MYO7B: variants seen among roughly 807,000 people sequenced by gnomAD.
The protein encoded by MYO7B is myosin VIIB, also known as unconventional myosin-VIIb.
Under a neutral mutation model 259.7 loss-of-function variants are expected in MYO7B, and 212 were observed. The ratio of observed to expected loss-of-function variants is 0.82; its 90% confidence interval spans 0.73 to 0.91. MYO7B has a LOEUF of 0.91. Among genes scored for constraint, MYO7B ranks in the 40% least tolerant of loss-of-function variants. The probability of loss-of-function intolerance (pLI) is 0.00; values close to 1 mark genes in which losing one functional copy is unlikely to be tolerated. For synonymous variants in MYO7B, 1,197 were observed against 1,166.4 expected (o/e 1.03, Z -0.54); for missense variants, 2,732 against 2,813.5 (o/e 0.97, Z 0.66).
intron 1 of MYO7B, among the ~76,000 whole-genome samples, chr2:127,547,116 C>A (rs1420405020): frequency 1.3e-5 from 2 of 152,124 alleles, no homozygotes; most frequent in African/African-American, 2.4e-5. Flanking sequence ...ATCCATTTAC[C>A]TATCCACCCG....
rs1573634006 is a variant in MYO7B, at chr2:127,569,776, AC to A, written c.471-10del. The stretch of plus-strand genomic sequence containing the variant: ...GTTTTGTGGCATCATGTCCCTGCAC[AC>A]CCTTTTTGCAGCGGCGAGTCTGGGG... On this transcript the variant is annotated splice_polypyrimidine_tract_variant and intron_variant, in intron 5 of 47. Coordinates refer to ENST00000409816, the MANE Select transcript of MYO7B (RefSeq NM_001393586.1). 1 of 1,606,848 alleles carries A rather than the reference AC, an allele frequency of 6.2e-7. No individual in the cohort carries two copies. Among genetic ancestry groups the A allele is most frequent in the Non-Finnish European group, 8.5e-7 (1 of 1,175,132 alleles).
intron 15 of MYO7B, among the ~76,000 whole-genome samples, chr2:127,589,790 ATGGG>A (rs1679483418): frequency 1.1e-5 from 1 of 94,878 alleles, no homozygotes; most frequent in South Asian, 4.7e-4. Context: ...GGATGGACGC[ATGGG>A]TGGGTGGGTG....
intron 2 of MYO7B, among the ~76,000 whole-genome samples, chr2:127,561,753 G>C (rs1324444382): frequency 1.3e-5 from 2 of 152,222 alleles, no homozygotes; most frequent in African/African-American, 4.8e-5. Flanking sequence ...ATATAGAGTA[G>C]AGATTAGAAC....
chr2:127,637,302 C>T lies in MYO7B; in HGVS notation c.6328-14C>T, dbSNP rs56272236. On this transcript the variant is annotated splice_polypyrimidine_tract_variant and intron_variant, in intron 47 of 47. Transcript: ENST00000409816. ...CTGCACCCACAGCCTCTGACCCCCC[C>T]GTCCCCTGTCCAGGGCTATAAGATG... 0.32 allele frequency: 500,050 copies of T among 1,562,052 alleles called. 82,480 individuals carry two copies. Among genetic ancestry groups the T allele is most frequent in the South Asian group, 0.48 (41,081 of 84,902 alleles).
Position 127,613,069 on chromosome 2 carries a change from G to A in MYO7B, c.3398+466G>A, listed in dbSNP as rs1392410281. The stretch of plus-strand genomic sequence containing the variant: ...AGACTGATTGTTCACTGCTTTAAGG[G>A]ACTGACTACTGTGTTTTAGGGGTTC... On this transcript the variant is annotated intron_variant, in intron 26 of 47. Coordinates refer to ENST00000409816, the MANE Select transcript of MYO7B (RefSeq NM_001393586.1). The surrounding 1 kb of genome is among the most constrained non-coding windows in gnomAD (Gnocchi z 4.3). 6.6e-6 allele frequency among the ~76,000 whole-genome samples: 1 copy of A among 152,190 alleles called. No homozygotes were observed. Among genetic ancestry groups the A allele is most frequent in the African/African-American group, 2.4e-5 (1 of 41,456 alleles).
In MYO7B at chr2:127,612,584, A is replaced by G. The variant is rs374231114; in HGVS notation, c.3379A>G (p.Ile1127Val). The G allele has an allele frequency of 5.6e-6, 9 of 1,609,758 alleles. No individual in the cohort carries two copies. Among genetic ancestry groups the G allele is most frequent in the African/African-American group, 2.7e-5 (2 of 74,924 alleles). The change falls in exon 26 of 48, where the codon ATC becomes GTC. Residue 1127 changes from isoleucine to valine, a missense_variant. Physicochemically the swap from Ile to Val is conservative, Grantham distance 29 (BLOSUM62 3). Transcript: ENST00000409816. ...GGTGCACTTCATCGTGGGCTACGCC[A>G]TCCTGCGGCCCAGCCTCAGGTCAGT... ...EKVHFIVGYA[I>V]LRPSLRDEIY...
chr2:127,585,025 G>A lies in MYO7B; in HGVS notation c.1690+112G>A. 2.9e-6 allele frequency: 4 copies of A among 1,382,950 alleles called. No individual in the cohort carries two copies. The highest frequency in any genetic ancestry group is 4.0e-6 in the Non-Finnish European group (4 of 996,138). 85.7% of individuals were successfully genotyped at this position (1,382,950 alleles called of 1,614,324 possible). On this transcript the variant is annotated intron_variant, in intron 14 of 47. Coordinates refer to ENST00000409816, the MANE Select transcript of MYO7B (RefSeq NM_001393586.1). The surrounding 1 kb of genome is among the most constrained non-coding windows in gnomAD (Gnocchi z 4.3). The stretch of plus-strand genomic sequence containing the variant: ...ATTTTGCAGCTCTAGCAATGGGGCA[G>A]AGGGATGAGTAGTATGGCTTCTACT...
At position 127,609,026 on chromosome 2, in the gene MYO7B, G is replaced by A; in HGVS notation, c.2814+148G>A. ...AGCCCTGCTGGTCCCACACGGAAGA[G>A]GGGAGCGTGCGTGGGTTCTGTGGTC... On this transcript the variant is annotated intron_variant, in intron 22 of 47. Transcript: ENST00000409816. The surrounding 1 kb of genome is among the most constrained non-coding windows in gnomAD (Gnocchi z 6.9). The A allele has an allele frequency of 8.9e-7, 1 of 1,129,446 alleles. No homozygotes were observed. Among genetic ancestry groups the A allele is most frequent in the South Asian group, 1.6e-5 (1 of 63,640 alleles). 70.0% of individuals were successfully genotyped at this position (1,129,446 alleles called of 1,614,324 possible).
rs1304670186 is a variant in MYO7B at position 127,597,168 on chromosome 2, A to C, written c.2339+612A>C. 6.6e-6 allele frequency among the ~76,000 whole-genome samples: 1 copy of C among 152,256 alleles called. No homozygotes were observed. Among genetic ancestry groups the C allele is most frequent in the African/African-American group, 2.4e-5 (1 of 41,474 alleles). ...CTGTGCTGCTGGGAAGCCGGAGGCC[A>C]TCTCAGGGCCAGACCCTGGTGCTGC... On this transcript the variant is annotated intron_variant, in intron 19 of 47. Coordinates refer to ENST00000409816, the MANE Select transcript of MYO7B (RefSeq NM_001393586.1). The surrounding 1 kb of genome is among the most constrained non-coding windows in gnomAD (Gnocchi z 4.8).
intron 3 of MYO7B, among the ~76,000 whole-genome samples, chr2:127,564,482 G>C (rs906194191): frequency 2.0e-5 from 3 of 152,184 alleles, no homozygotes; most frequent in Admixed American, 1.3e-4. Flanking sequence ...AGTGGGAAAG[G>C]GGCTCTGGAA....
At position 127,597,135 on chromosome 2, in the gene MYO7B, A is replaced by G. The variant is rs114985643; in HGVS notation, c.2339+579A>G. Among the ~76,000 whole-genome samples, 1,268 of 152,336 alleles carry G rather than the reference A, an allele frequency of 8.3e-3. 18 individuals are homozygous for G. The highest frequency in any genetic ancestry group is 0.029 in the African/African-American group (1,188 of 41,578). Reference sequence around the variant, plus strand: ...GCAGGGAGCTAGGGCCCACAGCTAGAGAGGCAGCTGTGCTGCTGGGAAGCC... The same window carrying G: ...GCAGGGAGCTAGGGCCCACAGCTAGGGAGGCAGCTGTGCTGCTGGGAAGCC... On this transcript the variant is annotated intron_variant, in intron 19 of 47. Coordinates refer to ENST00000409816, the MANE Select transcript of MYO7B (RefSeq NM_001393586.1). This position sits in a 1 kb window ranked among gnomAD's most constrained non-coding sequence, Gnocchi z 4.8.
intron 1 of MYO7B, among the ~76,000 whole-genome samples, chr2:127,552,421 G>A (rs887569146): frequency 1.3e-5 from 2 of 152,162 alleles, no homozygotes; most frequent in African/African-American, 4.8e-5. Context: ...ATGGGACCCA[G>A]CTGGGTCCAG....
In MYO7B at chr2:127,566,770, CCAA is replaced by C. The variant is rs1678367968; in HGVS notation, c.418_420del (p.Asn140del). 6.2e-7 allele frequency: 1 copy of C among 1,612,574 alleles called. No individual in the cohort carries two copies. Among genetic ancestry groups the C allele is most frequent in the African/African-American group, 1.3e-5 (1 of 74,956 alleles). On this transcript the variant is annotated inframe_deletion, in exon 5 of 48. Transcript: ENST00000409816. ...CTGCCCCCGCATGTCTTTGCCATCG[CCAA>C]CAACTGCTACTTCAGCATGAAGAGG...
At chr2:127,562,701 T>C (rs1678156730) in intron 2 of MYO7B, among the ~76,000 whole-genome samples, 2 of 152,090 alleles carry the variant, frequency 1.3e-5, no homozygotes, top group Admixed American at 6.5e-5. Flanking sequence ...TTGGCCAGGC[T>C]GGTCTTGAAC....
chr2:127,549,746 G>A (rs1693376335), intron 1 of MYO7B, among the ~76,000 whole-genome samples: 1 of 152,134 alleles, frequency 6.6e-6, no homozygotes, highest in African/African-American at 2.4e-5. Context: ...AGGGATGAGA[G>A]TTGGAGACGC....
rs1175840043 is a variant in MYO7B at position 127,597,733 on chromosome 2, C to G, written c.2339+1177C>G. Among the ~76,000 whole-genome samples, 1 of 152,108 alleles carries G rather than the reference C, an allele frequency of 6.6e-6. No homozygotes were observed. Among genetic ancestry groups the G allele is most frequent in the Non-Finnish European group, 1.5e-5 (1 of 68,028 alleles). ...CACTGCAACCTCTGCTTTCCGGGCTCAAGCTATCCTCCCACCTCAGCCTCC... is the reference window on the plus strand; with the variant it reads ...CACTGCAACCTCTGCTTTCCGGGCTGAAGCTATCCTCCCACCTCAGCCTCC... On this transcript the variant is annotated intron_variant, in intron 19 of 47. Coordinates refer to ENST00000409816, the MANE Select transcript of MYO7B (RefSeq NM_001393586.1). This position sits in a 1 kb window ranked among gnomAD's most constrained non-coding sequence, Gnocchi z 4.8.
At position 127,603,510 on chromosome 2, in the gene MYO7B, C is replaced by A. The variant is rs150064048; in HGVS notation, c.2340-2334C>A. On this transcript the variant is annotated intron_variant, in intron 19 of 47. Transcript: ENST00000409816. Reference sequence around the variant, plus strand: ...TGAGCAGTAATAGTTTGAAAGAAATCTTTTTTTCTGAGCAGTAGGTCTCAA... The same window carrying A: ...TGAGCAGTAATAGTTTGAAAGAAATATTTTTTTCTGAGCAGTAGGTCTCAA... Among the ~76,000 whole-genome samples, 36 of 152,242 alleles carry A rather than the reference C, an allele frequency of 2.4e-4. No individual in the cohort carries two copies. In the East Asian group the frequency reaches 6.9e-3, roughly 29 times the overall value.
Position 127,615,245 on chromosome 2 carries a change from G to C in MYO7B, c.3398+2642G>C. 6.6e-6 allele frequency among the ~76,000 whole-genome samples: 1 copy of C among 152,182 alleles called. No individual in the cohort carries two copies. ...GAGGAGGGGTGTTTGCCAGACAGAG[G>C]GAAAGGGTAGACGGGTCACCCGTGA... On this transcript the variant is annotated intron_variant, in intron 26 of 47. Transcript: ENST00000409816. The surrounding 1 kb of genome is among the most constrained non-coding windows in gnomAD (Gnocchi z 4.4).
At chr2:127,606,289 AT>A (rs1328817947) in intron 20 of MYO7B, among the ~76,000 whole-genome samples, 2 of 152,056 alleles carry the variant, frequency 1.3e-5, no homozygotes, top group African/African-American at 4.8e-5. Flanking sequence ...CCTTTTCCTA[AT>A]TTTTTCTCTT....
Sources: gnomAD v4.1 joint callset for allele counts (sites outside exome capture counted in the v4.1 genomes callset) on GRCh38, gnomAD v4.1.1 for gene constraint, Gnocchi (gnomAD v3.1) non-coding constraint, MANE v1.5 for transcripts, NCBI Gene and HGNC (gene_info 2026-07-23, HGNC 2026-07-21) for gene names.